Variants in SNTG1 observed in about 807,000 individuals in gnomAD.
SNTG1 encodes syntrophin gamma 1.
Under a neutral mutation model 74.7 loss-of-function variants are expected in SNTG1, and 39 were observed. The observed-to-expected ratio is 0.52, with a 90% CI of 0.40 to 0.68. SNTG1 has a LOEUF of 0.68. Among genes scored for constraint, SNTG1 ranks in the 30% least tolerant of loss-of-function variants. The pLI is 0.00. For missense variants in SNTG1, 685 were observed against 609.5 expected (o/e 1.12, Z -1.30); for synonymous variants, 254 against 217.1 (o/e 1.17, Z -1.49).
In SNTG1 at chr8:50,548,051, C is replaced by T. The variant is rs530099064; in HGVS notation, c.681-4999C>T. 3.9e-5 allele frequency among the ~76,000 whole-genome samples: 6 copies of T among 152,288 alleles called. No homozygotes were observed. The South Asian group carries it at 1.2e-3, about 32-fold the overall frequency. ...GAGGGTAGAAAGGTAACAAAGTAGA[C>T]AAGAGCAACTAAGGACCTTGGGGTC... On this transcript the variant is annotated intron_variant, in intron 11 of 18. Transcript: ENST00000642720.
intron 2 of SNTG1, among the ~76,000 whole-genome samples, chr8:50,280,985 C>CAAAAAAAAAAAAAAAAAA (rs35973666): frequency 1.3e-5 from 1 of 75,460 alleles, no homozygotes; most frequent in African/African-American, 5.0e-5. Flanking sequence ...AACCCAGTCT[C>CAAAAAAAAAAAAAAAAAA]AAAAAAAAAA....
chr8:50,097,600 G>A (rs2079975937), intron 1 of SNTG1, among the ~76,000 whole-genome samples: 1 of 151,890 alleles, frequency 6.6e-6, no homozygotes, highest in South Asian at 2.1e-4. Context: ...TGCAGTGAGC[G>A]GAGATCGCGC....
intron 18 of SNTG1, among the ~76,000 whole-genome samples, chr8:50,766,521 C>T (rs1398568591): frequency 6.6e-6 from 1 of 151,878 alleles, no homozygotes; most frequent in Non-Finnish European, 1.5e-5. Flanking sequence ...TTTAAGATTT[C>T]ATTATGAGAC....
chr8:50,515,947 A>C (rs372945680), intron 9 of SNTG1, among the ~76,000 whole-genome samples: 2 of 152,272 alleles, frequency 1.3e-5, no homozygotes. Context: ...AAGCTCTGCT[A>C]AGGAACAGAT....
At chr8:50,534,882 A>G (rs937736011) in intron 10 of SNTG1, among the ~76,000 whole-genome samples, 11 of 152,194 alleles carry the variant, frequency 7.2e-5, no homozygotes, top group African/African-American at 2.7e-4. Flanking sequence ...CACTTAGTAC[A>G]AGTAGGTATT....
At chr8:49,976,506 A>G (rs1812206457) in intron 1 of SNTG1, among the ~76,000 whole-genome samples, 1 of 152,200 alleles carries the variant, frequency 6.6e-6, no homozygotes, top group African/African-American at 2.4e-5. Flanking sequence ...GGAACAGGAA[A>G]TAAGAAACAG....
intron 12 of SNTG1, among the ~76,000 whole-genome samples, chr8:50,574,086 G>T (rs80215815): frequency 6.6e-6 from 1 of 151,714 alleles, no homozygotes; most frequent in Non-Finnish European, 1.5e-5. Flanking sequence ...TATGCCTAGG[G>T]TTCCATTATT....
chr8:50,375,737 G>A lies in SNTG1; in HGVS notation c.-27-18475G>A, dbSNP rs114213157. On this transcript the variant is annotated intron_variant, in intron 2 of 18. Coordinates refer to ENST00000642720, the MANE Select transcript of SNTG1 (RefSeq NM_018967.5). ...AAAATAGTAACCCTATAGGTCCTTG[G>A]TTGGAATTGACCCCCATAACAAAAG... 1.8e-3 allele frequency among the ~76,000 whole-genome samples: 281 copies of A among 152,152 alleles called. 2 individuals carry two copies. The highest frequency in any genetic ancestry group is 6.5e-3 in the African/African-American group (269 of 41,508).
intron 2 of SNTG1, among the ~76,000 whole-genome samples, chr8:50,228,883 A>T (rs561784664): frequency 6.6e-6 from 1 of 151,932 alleles, no homozygotes; most frequent in East Asian, 1.9e-4. Context: ...TTAATGTGTT[A>T]TTTGTTTAAT....
chr8:50,090,962 C>G (rs1670118403), intron 1 of SNTG1, among the ~76,000 whole-genome samples: 1 of 152,106 alleles, frequency 6.6e-6, no homozygotes, highest in African/African-American at 2.4e-5. Flanking sequence ...TAGTTTACTA[C>G]TTTTAAAAAT....
At chr8:50,552,858 T>C (rs1356302203) in intron 11 of SNTG1, among the ~76,000 whole-genome samples, 192 bp from the exon 12 acceptor site, 3 of 152,196 alleles carry the variant, frequency 2.0e-5, no homozygotes, top group African/African-American at 7.2e-5. Context: ...AAATTGAAAT[T>C]GTATGTCATT....
chr8:50,225,106 G>A (rs2085261110), intron 2 of SNTG1, among the ~76,000 whole-genome samples: 1 of 152,020 alleles, frequency 6.6e-6, no homozygotes, highest in African/African-American at 2.4e-5. Context: ...GAGTAGCTGG[G>A]ACTACAGGCG....
intron 17 of SNTG1, among the ~76,000 whole-genome samples, chr8:50,734,971 A>T (rs2095524499): frequency 1.5e-5 from 2 of 130,322 alleles, no homozygotes; most frequent in Non-Finnish European, 3.2e-5. Flanking sequence ...ATATCCATAT[A>T]TATCTATCCA....
At chr8:49,969,966 T>C (rs998419655) in intron 1 of SNTG1, among the ~76,000 whole-genome samples, 1 of 151,900 alleles carries the variant, frequency 6.6e-6, no homozygotes, top group Non-Finnish European at 1.5e-5. Flanking sequence ...TGGTGTGCTA[T>C]TGAATCCTTA....
At chr8:50,578,543 A>G (rs535103579) in intron 12 of SNTG1, among the ~76,000 whole-genome samples, 1 of 152,152 alleles carries the variant, frequency 6.6e-6, no homozygotes, top group Non-Finnish European at 1.5e-5. Flanking sequence ...GTGCCCACCC[A>G]TATCTCATCT....
Position 50,658,650 on chromosome 8 carries a change from G to A in SNTG1, c.1025G>A (p.Cys342Tyr), listed in dbSNP as rs771918412. 1 of 1,610,196 alleles carries A rather than the reference G, an allele frequency of 6.2e-7. No individual in the cohort carries two copies. Among genetic ancestry groups the A allele is most frequent in the Non-Finnish European group, 8.5e-7 (1 of 1,177,344 alleles). The change falls in exon 15 of 19, where the codon TGC becomes TAC. Residue 342 changes from cysteine (C) to tyrosine (Y), a missense_variant. Cys to Tyr is a radical substitution (Grantham distance 194). Transcript: ENST00000642720. The part of the protein sequence containing the change: ...EKTFSVYEIM[C>Y]KILKDSDLLD... ...ACATTCTCAGTTTATGAGATTATGT[G>A]CAAGATCCTCAAGGTATGATCAATA...
At chr8:50,327,830 T>A (rs2090813728) in intron 2 of SNTG1, among the ~76,000 whole-genome samples, 1 of 152,104 alleles carries the variant, frequency 6.6e-6, no homozygotes, top group Non-Finnish European at 1.5e-5. Context: ...CTCCTTATTT[T>A]TTCACTTATT....
chr8:50,478,573 A>G (rs1382887670), intron 8 of SNTG1, among the ~76,000 whole-genome samples: 1 of 152,170 alleles, frequency 6.6e-6, no homozygotes, highest in Non-Finnish European at 1.5e-5. Flanking sequence ...TTTTGCTATA[A>G]GTTGTAAACT....
chr8:50,003,428 T>C (rs957390787), intron 1 of SNTG1, among the ~76,000 whole-genome samples: 1 of 152,166 alleles, frequency 6.6e-6, no homozygotes, highest in Non-Finnish European at 1.5e-5. Flanking sequence ...AGAAAAATCT[T>C]CACGGAAACT....
Sources: gnomAD v4.1 joint callset for allele counts (sites outside exome capture counted in the v4.1 genomes callset) on GRCh38, gnomAD v4.1.1 for gene constraint, MANE v1.5 for transcripts, NCBI Gene and HGNC (gene_info 2026-07-23, HGNC 2026-07-21) for gene names.